Variants in AGBL1 observed in about 807,000 individuals in gnomAD.
AGBL1 encodes AGBL carboxypeptidase 1.
A neutral mutation model predicts 118.9 loss-of-function variants in AGBL1; 130 were observed. That is an observed-to-expected ratio of 1.09 (90% confidence interval 0.95 to 1.26). The LOEUF (loss-of-function observed/expected upper bound fraction) is 1.26, where lower values mean the gene tolerates loss of function less well. Ranked by LOEUF, AGBL1 falls within the 50% of genes most tolerant of loss-of-function variation. The pLI is 0.00. For synonymous variants in AGBL1, 555 were observed against 478.9 expected (o/e 1.16, Z -2.08); for missense variants, 1,584 against 1,298.1 (o/e 1.22, Z -3.38).
At chr15:86,267,349 A>G (rs1300282646) in intron 13 of AGBL1, among the ~76,000 whole-genome samples, 1 of 152,202 alleles carries the variant, frequency 6.6e-6, no homozygotes. Flanking sequence ...AGTAGAAGTG[A>G]ACTGTTATTA....
intron 17 of AGBL1, among the ~76,000 whole-genome samples, chr15:86,362,282 T>G (rs886725468): frequency 5.9e-5 from 9 of 152,234 alleles, no homozygotes; most frequent in Admixed American, 5.2e-4. Flanking sequence ...CTAGTTATTT[T>G]TAATACTTTT....
chr15:86,774,387 A>G lies in AGBL1; in HGVS notation c.3158+99951A>G, dbSNP rs1596469589. 2.6e-5 allele frequency among the ~76,000 whole-genome samples: 4 copies of G among 152,306 alleles called. No individual in the cohort carries two copies. In the East Asian group the frequency reaches 7.7e-4, roughly 29 times the overall value. On this transcript the variant is annotated intron_variant, in intron 22 of 22. Transcript: ENST00000614907. The stretch of plus-strand genomic sequence containing the variant: ...TTATTGCAAGATGGTTGGGACATAG[A>G]AAAAGGACAATGGAGTCTTTAATAC...
chr15:86,625,374 T>G (rs1230071018), intron 21 of AGBL1, among the ~76,000 whole-genome samples: 4 of 47,240 alleles, frequency 8.5e-5, no homozygotes, highest in African/African-American at 1.7e-4. Context: ...CGTTTTTTTT[T>G]TTTTGTTTTT....
chr15:86,250,720 G>A (rs756353773), intron 7 of AGBL1, among the ~76,000 whole-genome samples: 2 of 152,094 alleles, frequency 1.3e-5, no homozygotes, highest in African/African-American at 4.8e-5. Context: ...CTTCCCCCCG[G>A]CAGTCATAAC....
At chr15:86,592,878 T>G (rs1194081611) in intron 21 of AGBL1, among the ~76,000 whole-genome samples, 1 of 152,092 alleles carries the variant, frequency 6.6e-6, no homozygotes, top group African/African-American at 2.4e-5. Flanking sequence ...ATTCCTGGGG[T>G]GCGGGACCAT....
chr15:86,736,671 T>G (rs1432170666), intron 22 of AGBL1, among the ~76,000 whole-genome samples: 4 of 152,192 alleles, frequency 2.6e-5, no homozygotes, highest in Non-Finnish European at 5.9e-5. Context: ...CTACACCGCT[T>G]CATCCATCAT....
intron 23 of AGBL1, among the ~76,000 whole-genome samples, chr15:86,984,828 T>C (rs1468223131): frequency 6.6e-6 from 1 of 152,160 alleles, no homozygotes; most frequent in African/African-American, 2.4e-5. Flanking sequence ...GCAATGAGTT[T>C]TGACAGACAC....
At chr15:86,098,615 T>A (rs527436009) in intron 1 of AGBL1, among the ~76,000 whole-genome samples, 2 of 152,284 alleles carry the variant, frequency 1.3e-5, no homozygotes, top group South Asian at 4.1e-4. Context: ...CCAAAATCAG[T>A]TGGCTGCAAA....
intron 5 of AGBL1, among the ~76,000 whole-genome samples, chr15:86,165,226 C>T (rs539962342): frequency 9.9e-5 from 15 of 152,236 alleles, no homozygotes; most frequent in African/African-American, 3.4e-4. Flanking sequence ...GTGATATTCT[C>T]CCTCCAAAGG....
chr15:86,776,891 T>A (rs1485050151), intron 22 of AGBL1, among the ~76,000 whole-genome samples: 1 of 151,952 alleles, frequency 6.6e-6, no homozygotes, highest in African/African-American at 2.4e-5. Flanking sequence ...CTAGTTTTAC[T>A]TAATATGTGT....
At chr15:86,975,229 T>C (rs1276826400) in intron 23 of AGBL1, among the ~76,000 whole-genome samples, 1 of 152,060 alleles carries the variant, frequency 6.6e-6, no homozygotes, top group African/African-American at 2.4e-5. Context: ...TGAGGTTTAA[T>C]TGACTCACTG....
At position 86,521,258 on chromosome 15, in the gene AGBL1, C is replaced by G. The variant is rs561584771; in HGVS notation, c.2556-1552C>G. Among the ~76,000 whole-genome samples, 7 of 152,264 alleles carry G rather than the reference C, an allele frequency of 4.6e-5. 1 individual carries two copies. The South Asian group carries it at 1.5e-3, about 32-fold the overall frequency. On this transcript the variant is annotated intron_variant, in intron 18 of 22. Transcript: ENST00000614907. The stretch of plus-strand genomic sequence containing the variant: ...GACTGAAGACTGAACCTTCTTTTTA[C>G]CTCCAATGTTTATTGAAAACACTGT...
chr15:86,842,555 C>A (rs1225061933), intron 22 of AGBL1, among the ~76,000 whole-genome samples: 2 of 152,140 alleles, frequency 1.3e-5, no homozygotes, highest in African/African-American at 4.8e-5. Context: ...ACAGGGTTCT[C>A]TGGAGAAACA....
At chr15:86,222,713 C>A (rs1349225701) in intron 5 of AGBL1, among the ~76,000 whole-genome samples, 1 of 152,094 alleles carries the variant, frequency 6.6e-6, no homozygotes, top group Middle Eastern at 3.2e-3. Flanking sequence ...CAGGAATAAG[C>A]CTCAATTTTT....
intron 22 of AGBL1, among the ~76,000 whole-genome samples, chr15:86,686,442 G>GTT (rs368842116): frequency 0.26 from 32,579 of 126,786 alleles, 4,980 homozygotes; most frequent in East Asian, 0.62. Flanking sequence ...CATATTCTAA[G>GTT]TTTTTTTTTT....
chr15:86,827,386 C>T (rs12902343), intron 22 of AGBL1, among the ~76,000 whole-genome samples: 74 of 5,734 alleles, frequency 0.013, 10 homozygotes, highest in African/African-American at 0.056. Flanking sequence ...TATATATACA[C>T]ATATATATAT....
chr15:86,204,936 A>T (rs934189775), intron 5 of AGBL1, among the ~76,000 whole-genome samples: 1 of 152,156 alleles, frequency 6.6e-6, no homozygotes, highest in Non-Finnish European at 1.5e-5. Context: ...CCCAAAGTCC[A>T]TAGTTTACAT....
At chr15:86,644,499 A>G (rs1042864081) in intron 21 of AGBL1, among the ~76,000 whole-genome samples, 2 of 152,210 alleles carry the variant, frequency 1.3e-5, no homozygotes, top group Non-Finnish European at 2.9e-5. Flanking sequence ...CTCACAGGTA[A>G]TTGCTATCCT....
intron 23 of AGBL1, among the ~76,000 whole-genome samples, chr15:86,964,098 A>G (rs1016243539): frequency 6.6e-6 from 1 of 151,370 alleles, no homozygotes. Context: ...CGGTGTTATT[A>G]TACTAATTTT....
Sources: gnomAD v4.1 joint callset for allele counts (sites outside exome capture counted in the v4.1 genomes callset) on GRCh38, gnomAD v4.1.1 for gene constraint, MANE v1.5 for transcripts, NCBI Gene and HGNC (gene_info 2026-07-23, HGNC 2026-07-21) for gene names.